ARHGAP10: variants seen among roughly 807,000 people sequenced by gnomAD.
ARHGAP10 encodes the protein rho GTPase-activating protein 10.
A neutral mutation model predicts 108.6 loss-of-function variants in ARHGAP10; 87 were observed. The observed-to-expected ratio is 0.80, with a 90% CI of 0.67 to 0.96. ARHGAP10 has a LOEUF of 0.96. Ranked by LOEUF, ARHGAP10 falls within the 40% of genes least tolerant of loss-of-function variation. ARHGAP10 has a pLI of 0.00. For synonymous variants in ARHGAP10, 347 were observed against 341.1 expected, an observed-to-expected ratio of 1.02 and a Z score of -0.19; for missense variants, 939 against 954.5, an observed-to-expected ratio of 0.98 and a Z score of 0.21.
Position 147,769,216 on chromosome 4 carries a change from T to C in ARHGAP10, c.154+36761T>C, listed in dbSNP as rs190265822. Among the ~76,000 whole-genome samples the C allele has an allele frequency of 1.2e-4, 18 of 152,262 alleles. 1 individual carries two copies. The East Asian group carries it at 3.3e-3, about 28-fold the overall frequency. On this transcript the variant is annotated intron_variant, in intron 1 of 22. Transcript: ENST00000336498. ...TCTGGTCATTAGTGAAATTACTCAG[T>C]AAATGTTGAAGAAGAAGGAAAAATG...
intron 18 of ARHGAP10, among the ~76,000 whole-genome samples, chr4:147,988,758 TC>T (rs1345919735): frequency 3.3e-5 from 5 of 152,186 alleles, no homozygotes; most frequent in Admixed American, 6.5e-5. Context: ...CCCCCACACT[TC>T]CGTGTAGGAA....
intron 10 of ARHGAP10, among the ~76,000 whole-genome samples, chr4:147,892,157 T>C (rs1735815451): frequency 6.6e-6 from 1 of 152,064 alleles, no homozygotes; most frequent in South Asian, 2.1e-4. Flanking sequence ...CTTGTAGAAT[T>C]CACTTATTTA....
At chr4:147,804,521 A>T (rs528671648) in intron 1 of ARHGAP10, among the ~76,000 whole-genome samples, 17 of 152,204 alleles carry the variant, frequency 1.1e-4, no homozygotes, top group African/African-American at 4.1e-4. Context: ...TATATACCCA[A>T]TAATGGGATT....
At chr4:147,997,550 G>A (rs1048106780) in intron 18 of ARHGAP10, among the ~76,000 whole-genome samples, 1 of 152,200 alleles carries the variant, frequency 6.6e-6, no homozygotes, top group East Asian at 1.9e-4. Context: ...AGACAGATGA[G>A]AAGATGGAGA....
chr4:147,783,415 CACACATTAAATTAT>C (rs1176527398), intron 1 of ARHGAP10, among the ~76,000 whole-genome samples: 55 of 133,558 alleles, frequency 4.1e-4, no homozygotes, highest in African/African-American at 1.5e-3. Flanking sequence ...ATTTATATAG[CACACATTAAATTAT>C]GTATTGTATA....
intron 18 of ARHGAP10, among the ~76,000 whole-genome samples, chr4:148,021,052 A>G (rs1560878605): frequency 6.6e-6 from 1 of 152,222 alleles, no homozygotes; most frequent in Non-Finnish European, 1.5e-5. Context: ...TGTAAACCAA[A>G]GAAAACAAAA....
At chr4:147,824,578 CCTCGGGAAA>C (rs1732630621) in intron 3 of ARHGAP10, among the ~76,000 whole-genome samples, 1 of 152,032 alleles carries the variant, frequency 6.6e-6, no homozygotes, top group Non-Finnish European at 1.5e-5. Flanking sequence ...GCTGGGGAGG[CCTCGGGAAA>C]CTTACAGTCA....
In ARHGAP10 at chr4:147,841,059, T is replaced by C. The variant is rs867475044; in HGVS notation, c.313-6092T>C. Among the ~76,000 whole-genome samples, 158 of 152,354 alleles carry C rather than the reference T, an allele frequency of 1.0e-3. 1 individual carries two copies. Among genetic ancestry groups the C allele is most frequent in the African/African-American group, 3.7e-3 (155 of 41,598 alleles). On this transcript the variant is annotated intron_variant, in intron 3 of 22. Transcript: ENST00000336498. ...GGACCCATCATTCATATGCTGTTTG[T>C]GGCTGCTTTTGTGCTACCACAGCAG...
intron 13 of ARHGAP10, among the ~76,000 whole-genome samples, chr4:147,923,371 C>T (rs1158993027): frequency 6.6e-6 from 1 of 152,172 alleles, no homozygotes; most frequent in Non-Finnish European, 1.5e-5. Context: ...GGTGCATGTA[C>T]TGTATGATAT....
chr4:147,898,596 G>A (rs188805113), intron 10 of ARHGAP10, among the ~76,000 whole-genome samples: 1 of 151,616 alleles, frequency 6.6e-6, no homozygotes, highest in Non-Finnish European at 1.5e-5. Context: ...TTTATTTTTT[G>A]GGATTCGAAT....
At chr4:148,046,260 C>G (rs1486081990) in intron 19 of ARHGAP10, among the ~76,000 whole-genome samples, 2 of 152,106 alleles carry the variant, frequency 1.3e-5, no homozygotes, top group Admixed American at 6.5e-5. Context: ...ATACATTGTG[C>G]AACTCATTTA....
intron 3 of ARHGAP10, among the ~76,000 whole-genome samples, chr4:147,846,215 A>G (rs1013631310): frequency 6.6e-6 from 1 of 152,206 alleles, no homozygotes; most frequent in Admixed American, 6.5e-5. Context: ...AAACCCTCAC[A>G]TAATGAAACA....
chr4:147,974,471 T>C (rs1390745104), intron 18 of ARHGAP10, among the ~76,000 whole-genome samples: 1 of 152,210 alleles, frequency 6.6e-6, no homozygotes, highest in Non-Finnish European at 1.5e-5. Context: ...ATATCTGTCT[T>C]AATACTGAAA....
intron 20 of ARHGAP10, among the ~76,000 whole-genome samples, chr4:148,062,940 C>T (rs1383183461): frequency 8.5e-5 from 13 of 152,104 alleles, no homozygotes. Flanking sequence ...AGTAAGACAG[C>T]TTGAGTTTGG....
At chr4:147,976,987 A>G (rs1739620854) in intron 18 of ARHGAP10, among the ~76,000 whole-genome samples, 1 of 152,212 alleles carries the variant, frequency 6.6e-6, no homozygotes, top group Admixed American at 6.5e-5. Flanking sequence ...CGTAATATTT[A>G]TAATAATGAG....
At chr4:147,789,575 A>G (rs1260727396) in intron 1 of ARHGAP10, among the ~76,000 whole-genome samples, 4 of 152,208 alleles carry the variant, frequency 2.6e-5, no homozygotes, top group African/African-American at 9.7e-5. Flanking sequence ...CCCGGCCCAC[A>G]TGTTTTAAAT....
intron 22 of ARHGAP10, among the ~76,000 whole-genome samples, chr4:148,068,717 C>T (rs993256148): frequency 6.6e-5 from 10 of 152,192 alleles, no homozygotes; most frequent in South Asian, 2.1e-4. Context: ...GAGCCCAGGA[C>T]GCAGCCTCCC....
intron 10 of ARHGAP10, among the ~76,000 whole-genome samples, chr4:147,893,456 CTATA>C (rs1426845638): frequency 2.1e-5 from 3 of 141,610 alleles, no homozygotes; most frequent in African/African-American, 2.5e-5. Context: ...ATTATTCTCT[CTATA>C]TATAATACTA....
At position 147,803,401 on chromosome 4, in the gene ARHGAP10, A is replaced by G. The variant is rs147923033; in HGVS notation, c.155-19326A>G. On this transcript the variant is annotated intron_variant, in intron 1 of 22. Coordinates refer to ENST00000336498, the MANE Select transcript of ARHGAP10 (RefSeq NM_024605.4). ...ACATGCATACAATGTGTAATGATCA[A>G]ATCAGGGTAATTGGGATATCTATTG... 5.3e-3 allele frequency among the ~76,000 whole-genome samples: 814 copies of G among 152,352 alleles called. 4 individuals are homozygous for G. The highest frequency in any genetic ancestry group is 0.013 in the South Asian group (63 of 4,828).
Sources: allele counts gnomAD v4.1 joint callset (sites outside exome capture counted in the v4.1 genomes callset), GRCh38; gene constraint gnomAD v4.1.1; transcripts MANE v1.5; gene names NCBI Gene and HGNC (gene_info 2026-07-23, HGNC 2026-07-21).